Variants in SPPL3 observed in about 807,000 individuals in gnomAD.
The protein encoded by SPPL3 is signal peptide peptidase like 3.
In SPPL3, 5 loss-of-function variants were observed where a neutral mutation model predicts 42.4. The observed-to-expected ratio is 0.12, with a 90% CI of 0.06 to 0.25. The LOEUF (loss-of-function observed/expected upper bound fraction) is 0.25. Among genes scored for constraint, SPPL3 ranks in the 10% least tolerant of loss-of-function variants. The pLI is 1.00. For synonymous variants in SPPL3, 195 were observed against 181.8 expected, an observed-to-expected ratio of 1.07 and a Z score of -0.58; for missense variants, 235 against 489.0, an observed-to-expected ratio of 0.48 and a Z score of 4.90.
intron 6 of SPPL3, among the ~76,000 whole-genome samples, chr12:120,776,547 GA>G (rs1566038624): frequency 6.6e-6 from 1 of 151,868 alleles, no homozygotes; most frequent in African/African-American, 2.4e-5. Context: ...CAATGGCTGT[GA>G]AAAGAATGTC....
chr12:120,843,599 C>T (rs1871905026), intron 1 of SPPL3, among the ~76,000 whole-genome samples: 1 of 152,172 alleles, frequency 6.6e-6, no homozygotes, highest in Non-Finnish European at 1.5e-5. Context: ...ACTAGGTGTA[C>T]TCCTCTTCCC....
chr12:120,775,551 G>A (rs1465174475), intron 6 of SPPL3, among the ~76,000 whole-genome samples: 1 of 152,208 alleles, frequency 6.6e-6, no homozygotes, highest in African/African-American at 2.4e-5. Context: ...CGAGGGGACT[G>A]AATCAGACAT....
intron 1 of SPPL3, among the ~76,000 whole-genome samples, chr12:120,883,671 G>C (rs1299206692): frequency 6.6e-6 from 1 of 152,010 alleles, no homozygotes; most frequent in Non-Finnish European, 1.5e-5. Flanking sequence ...TACAGCACTG[G>C]AAAGGAATGC....
rs142251400 is a variant in SPPL3, at chr12:120,849,517, G to A, written c.24-38631C>T. On this transcript the variant is annotated intron_variant, in intron 1 of 10. Transcript: ENST00000353487. ...ATATAGCAAATACAGGTAAAATGTA[G>A]ACATGTTGAGAAGATTTCCTTTGAA... Among the ~76,000 whole-genome samples, 5 of 152,310 alleles carry A rather than the reference G, an allele frequency of 3.3e-5. No homozygotes were observed. In the East Asian group the frequency reaches 9.6e-4, roughly 29 times the overall value.
intron 1 of SPPL3, among the ~76,000 whole-genome samples, chr12:120,881,207 G>C (rs538017417): frequency 6.6e-6 from 1 of 151,536 alleles, no homozygotes; most frequent in East Asian, 1.9e-4. Context: ...GGTGGCTCCC[G>C]CCTGTAATCC....
intron 1 of SPPL3, among the ~76,000 whole-genome samples, chr12:120,836,092 T>C (rs542734531): frequency 1.1e-4 from 17 of 152,198 alleles, no homozygotes; most frequent in African/African-American, 3.6e-4. Context: ...TTCTGTAACT[T>C]TGGAGTGTGC....
chr12:120,865,906 C>T (rs1872741834), intron 1 of SPPL3, among the ~76,000 whole-genome samples: 1 of 152,176 alleles, frequency 6.6e-6, no homozygotes, highest in Non-Finnish European at 1.5e-5. Context: ...CTGAGTTCTA[C>T]CTCCTGTCAG....
At chr12:120,880,010 G>A (rs1254196784) in intron 1 of SPPL3, among the ~76,000 whole-genome samples, 3 of 146,946 alleles carry the variant, frequency 2.0e-5, no homozygotes, top group African/African-American at 5.1e-5. Context: ...TTCATTCCTC[G>A]GTTTAACAAT....
intron 1 of SPPL3, among the ~76,000 whole-genome samples, chr12:120,824,307 C>G (rs908107461): frequency 4.6e-5 from 7 of 151,798 alleles, no homozygotes; most frequent in Admixed American, 2.0e-4. Context: ...TAAAATAACA[C>G]TAAAATTTTT....
chr12:120,766,108 A>ATG (rs778051800), intron 10 of SPPL3, among the ~76,000 whole-genome samples, 155 bp downstream of exon 10: 2,365 of 48,728 alleles, frequency 0.049, 26 homozygotes, highest in South Asian at 0.19. Flanking sequence ...GCGCACACAC[A>ATG]CACACACACA....
chr12:120,810,439 GT>G (rs1020909937), intron 2 of SPPL3, among the ~76,000 whole-genome samples: 8 of 150,982 alleles, frequency 5.3e-5, no homozygotes, highest in Admixed American at 4.0e-4. Flanking sequence ...ATATTTAGTA[GT>G]TTTTTTTTCA....
chr12:120,879,431 A>G (rs1873213999), intron 1 of SPPL3, among the ~76,000 whole-genome samples: 1 of 152,124 alleles, frequency 6.6e-6, no homozygotes, highest in Non-Finnish European at 1.5e-5. Context: ...TGTGAGTGGT[A>G]CTTCCCAAAA....
Position 120,783,054 on chromosome 12 carries a change from A to G in SPPL3, c.390-287T>C, listed in dbSNP as rs1011954594. ...AGCTAATAAGTATGGAGGAAATTCTATTCTTATGAGGAAAACAAAATGAAG... is the reference window on the plus strand; with the variant it reads ...AGCTAATAAGTATGGAGGAAATTCTGTTCTTATGAGGAAAACAAAATGAAG... On this transcript the variant is annotated intron_variant, in intron 5 of 10. Transcript: ENST00000353487. Among the ~76,000 whole-genome samples, 3 of 152,222 alleles carry G rather than the reference A, an allele frequency of 2.0e-5. No homozygotes were observed. The South Asian group carries it at 6.2e-4, about 32-fold the overall frequency.
At chr12:120,810,149 A>C (rs1870638370) in intron 2 of SPPL3, among the ~76,000 whole-genome samples, 1 of 151,940 alleles carries the variant, frequency 6.6e-6, no homozygotes, top group Non-Finnish European at 1.5e-5. Flanking sequence ...TAACTTCTTT[A>C]AAAAATATTT....
intron 1 of SPPL3, among the ~76,000 whole-genome samples, chr12:120,829,063 C>A (rs1321672668): frequency 6.6e-6 from 1 of 152,126 alleles, no homozygotes; most frequent in East Asian, 1.9e-4. Flanking sequence ...TGGGCCCAGA[C>A]TAGGAATAGT....
chr12:120,880,506 C>T (rs1046089050), intron 1 of SPPL3, among the ~76,000 whole-genome samples: 23 of 151,862 alleles, frequency 1.5e-4, no homozygotes, highest in Admixed American at 1.2e-3. Flanking sequence ...ATTTGCAAAT[C>T]GGCCGGGTGT....
At position 120,878,133 on chromosome 12, in the gene SPPL3, C is replaced by T. The variant is rs377037817; in HGVS notation, c.23+25712G>A. Among the ~76,000 whole-genome samples, 3 of 151,814 alleles carry T rather than the reference C, an allele frequency of 2.0e-5. No individual in the cohort carries two copies. The East Asian group carries it at 5.8e-4, about 29-fold the overall frequency. On this transcript the variant is annotated intron_variant, in intron 1 of 10. Coordinates refer to ENST00000353487, the MANE Select transcript of SPPL3 (RefSeq NM_139015.5). ...ATTTCTACATACCAGTAATGACCAG[C>T]TAGGAAAAAAATGAAATATCTTAAT...
intron 1 of SPPL3, among the ~76,000 whole-genome samples, chr12:120,827,623 T>G (rs1871268150): frequency 6.6e-6 from 1 of 152,142 alleles, no homozygotes; most frequent in South Asian, 2.1e-4. Flanking sequence ...CCAGAGGTCA[T>G]GCTTTAAACC....
intron 1 of SPPL3, among the ~76,000 whole-genome samples, chr12:120,826,711 A>G (rs1312188577): frequency 6.6e-6 from 1 of 152,134 alleles, no homozygotes; most frequent in African/African-American, 2.4e-5. Context: ...TCAATGACTA[A>G]GGTCTTTGAT....
Sources: gnomAD v4.1 joint callset for allele counts (sites outside exome capture counted in the v4.1 genomes callset) on GRCh38, gnomAD v4.1.1 for gene constraint, MANE v1.5 for transcripts, NCBI Gene and HGNC (gene_info 2026-07-23, HGNC 2026-07-21) for gene names.